The following ZNF473 variants were observed in gnomAD, a reference collection of about 807,000 sequenced individuals.
ZNF473 encodes zinc finger protein 100 homolog.
A neutral mutation model predicts 11.1 loss-of-function variants in ZNF473; 4 were observed. The observed-to-expected ratio is 0.36, with a 90% CI of 0.18 to 0.82. ZNF473 has a LOEUF of 0.82. Ranked by LOEUF, ZNF473 falls within the 40% of genes least tolerant of loss-of-function variation. The pLI is 0.49. For synonymous variants in ZNF473, 404 were observed against 390.4 expected (o/e 1.03, Z -0.41); for missense variants, 854 against 1,084.0 (o/e 0.79, Z 2.98).
chr19:50,032,978 C>G (rs1600752202), intron 2 of ZNF473, among the ~76,000 whole-genome samples: 1 of 152,246 alleles, frequency 6.6e-6, no homozygotes, highest in East Asian at 1.9e-4. Flanking sequence ...TAGGACCCAC[C>G]CTGATGACCT....
chr19:50,043,448 A>AAATAT (rs1259545565), intron 4 of ZNF473: 2 of 107,916 alleles, frequency 1.9e-5, no homozygotes, highest in African/African-American at 3.9e-5. Flanking sequence ...AAAAAAAAAA[A>AAATAT]ATATATATAT....
chr19:50,040,356 A>C (rs1031898479), intron 3 of ZNF473, among the ~76,000 whole-genome samples: 1 of 152,232 alleles, frequency 6.6e-6, no homozygotes, highest in African/African-American at 2.4e-5. Context: ...ACTCAGTGCC[A>C]GGGTTTTTAC....
At chr19:50,041,585 T>C in intron 3 of ZNF473, 145 bp from the exon 4 acceptor site, 1 of 568,626 alleles carries the variant, frequency 1.8e-6, no homozygotes, top group South Asian at 2.6e-5. Flanking sequence ...ATCCCCAGAG[T>C]CGCCCAGTGC....
intron 1 of ZNF473, among the ~76,000 whole-genome samples, chr19:50,028,263 A>C (rs1291606011): frequency 2.0e-5 from 3 of 149,106 alleles, no homozygotes; most frequent in Non-Finnish European, 3.0e-5. Flanking sequence ...GCGCCACTGC[A>C]CTCCAGCCTG....
intron 2 of ZNF473, among the ~76,000 whole-genome samples, chr19:50,032,706 TC>T (rs1245806675): frequency 2.0e-5 from 3 of 151,786 alleles, no homozygotes; most frequent in Admixed American, 2.0e-4. Flanking sequence ...ATTGGTGGTC[TC>T]CCAGTCTTGG....
chr19:50,047,080 C>A lies in ZNF473; in HGVS notation c.*21C>A. On this transcript the variant is annotated 3_prime_UTR_variant, in exon 5 of 5. Coordinates refer to ENST00000270617, the MANE Select transcript of ZNF473 (RefSeq NM_015428.4). ...TGTAGCCATTGGGTGGCAGCAGAGTCCCAGAATATGAGACCGTTACTCGGA... is the reference window on the plus strand; with the variant it reads ...TGTAGCCATTGGGTGGCAGCAGAGTACCAGAATATGAGACCGTTACTCGGA... 1.3e-6 allele frequency: 2 copies of A among 1,580,902 alleles called. No homozygotes were observed. Among genetic ancestry groups the A allele is most frequent in the South Asian group, 1.1e-5 (1 of 89,872 alleles).
intron 4 of ZNF473, chr19:50,043,485 G>T (rs960862564): frequency 6.9e-6 from 1 of 145,726 alleles, no homozygotes; most frequent in Non-Finnish European, 1.5e-5. Flanking sequence ...AGTCAGAGGG[G>T]TTCAAATCCT....
In ZNF473 at chr19:50,047,186, A is replaced by G. The variant is rs1350099712; in HGVS notation, c.*127A>G. 1 of 826,774 alleles carries G rather than the reference A, an allele frequency of 1.2e-6. No homozygotes were observed. The highest frequency in any genetic ancestry group is 2.9e-5 in the Admixed American group (1 of 34,336). The allele number at this position is 826,774 out of a possible 1,614,324, so 51.2% of individuals were successfully genotyped here. On this transcript the variant is annotated 3_prime_UTR_variant, in exon 5 of 5. Coordinates refer to ENST00000270617, the MANE Select transcript of ZNF473 (RefSeq NM_015428.4). ...AAGATTGATTAGAAAGTTTGTGCGC[A>G]TGTTTTTCATTATAACAATGAAAAC...
In ZNF473 at chr19:50,039,295, T is replaced by C; in HGVS notation, c.136+8T>C. On this transcript the variant is annotated splice_region_variant and intron_variant, in intron 3 of 4. Transcript: ENST00000270617. This position sits in a 1 kb window ranked among gnomAD's most constrained non-coding sequence, Gnocchi z 4.8. Reference sequence around the variant, plus strand: ...AGGACCTCTTCCTGCTGGGTGAGTGTTGCCTGTCCCCAGGGGCCTACTCAC... The same window carrying C: ...AGGACCTCTTCCTGCTGGGTGAGTGCTGCCTGTCCCCAGGGGCCTACTCAC... The C allele has an allele frequency of 5.6e-6, 9 of 1,613,792 alleles. No individual in the cohort carries two copies. The highest frequency in any genetic ancestry group is 6.8e-6 in the Non-Finnish European group (8 of 1,179,780).
At chr19:50,034,536 G>A (rs1046305604) in intron 2 of ZNF473, among the ~76,000 whole-genome samples, 2 of 151,136 alleles carry the variant, frequency 1.3e-5, no homozygotes, top group Non-Finnish European at 2.9e-5. Context: ...GTCCTTCGTG[G>A]GCTCTGTCAT....
chr19:50,026,550 TAAAAAA>T (rs71180669), intron 1 of ZNF473, among the ~76,000 whole-genome samples: 3 of 119,336 alleles, frequency 2.5e-5, no homozygotes, highest in Admixed American at 8.9e-5. Flanking sequence ...GACTACATCT[TAAAAAA>T]AAAAAAAAAA....
chr19:50,033,673 G>A (rs528860146), intron 2 of ZNF473, among the ~76,000 whole-genome samples: 2 of 152,068 alleles, frequency 1.3e-5, no homozygotes, highest in African/African-American at 4.8e-5. Flanking sequence ...ATGATCTCAC[G>A]GGGCTCAAAC....
Position 50,026,902 on chromosome 19 carries a change from T to A in ZNF473, c.-192+780T>A, listed in dbSNP as rs551242144. On this transcript the variant is annotated intron_variant, in intron 1 of 4. Transcript: ENST00000270617. ...GGTTTTGGTTGGGGAAGGAGGGGAA[T>A]GAGTTACCTGAAGTTGGCAAATTTA... 2.0e-5 allele frequency among the ~76,000 whole-genome samples: 3 copies of A among 152,244 alleles called. No homozygotes were observed. In the South Asian group the frequency reaches 6.2e-4, roughly 32 times the overall value.
Position 50,046,390 on chromosome 19 carries a change from C to T in ZNF473, c.1947C>T (p.Asn649=), listed in dbSNP as rs766663104. ...FHTKEHPFKC[N]ECGKTFSHSA... Reference sequence around the variant, plus strand: ...CAAAGGAGCACCCTTTTAAATGTAACGAATGCGGAAAGACCTTCAGCCACA... The same window carrying T: ...CAAAGGAGCACCCTTTTAAATGTAATGAATGCGGAAAGACCTTCAGCCACA... Residue 649 remains asparagine (N), a synonymous_variant, in exon 5 of 5, where the codon AAC becomes AAT. Transcript: ENST00000270617. The surrounding 1 kb of genome is among the most constrained non-coding windows in gnomAD (Gnocchi z 5.9). The T allele has an allele frequency of 5.3e-5, 85 of 1,614,078 alleles. No homozygotes were observed. Among genetic ancestry groups the T allele is most frequent in the East Asian group, 6.7e-5 (3 of 44,902 alleles).
chr19:50,029,426 A>G (rs146171887), intron 1 of ZNF473, among the ~76,000 whole-genome samples: 8,010 of 152,330 alleles, frequency 0.053, 696 homozygotes, highest in African/African-American at 0.18. Flanking sequence ...GATTACAGGC[A>G]TGAGCCACTG....
rs1160404382 is a variant in ZNF473 at position 50,048,025 on chromosome 19, A to G, written c.*966A>G. 6.6e-6 allele frequency: 1 copy of G among 152,200 alleles called. No individual in the cohort carries two copies. Among genetic ancestry groups the G allele is most frequent in the Non-Finnish European group, 1.5e-5 (1 of 68,038 alleles). 9.4% of individuals were successfully genotyped at this position (152,200 alleles called of 1,614,324 possible). A position where few individuals can be genotyped will look rare whatever the true frequency, so the allele number is the denominator to read the frequency against. On this transcript the variant is annotated 3_prime_UTR_variant, in exon 5 of 5. Transcript: ENST00000270617. Reference sequence around the variant, plus strand: ...CATTTATCCAGGATGGCCGCTCACCAGGCAATTTGCTAGGCTCGGGGGCGG... The same window carrying G: ...CATTTATCCAGGATGGCCGCTCACCGGGCAATTTGCTAGGCTCGGGGGCGG...
intron 1 of ZNF473, among the ~76,000 whole-genome samples, chr19:50,029,894 C>T (rs765182018): frequency 8.6e-5 from 13 of 151,864 alleles, no homozygotes; most frequent in Non-Finnish European, 1.9e-4. Context: ...CTGTGTTGCC[C>T]AGGCTGGAGT....
intron 2 of ZNF473, among the ~76,000 whole-genome samples, chr19:50,033,512 C>T (rs765892333): frequency 1.7e-4 from 26 of 152,112 alleles, no homozygotes; most frequent in Non-Finnish European, 3.7e-4. Context: ...AAACAGGATC[C>T]CCCTTGCTCG....
At chr19:50,034,653 G>A (rs991998333) in intron 2 of ZNF473, among the ~76,000 whole-genome samples, 2 of 152,098 alleles carry the variant, frequency 1.3e-5, no homozygotes, top group East Asian at 1.9e-4. Context: ...TGTCTTCTGT[G>A]TCTCTTAATC....
Sources: allele counts gnomAD v4.1 joint callset (sites outside exome capture counted in the v4.1 genomes callset), GRCh38; gene constraint gnomAD v4.1.1; non-coding constraint Gnocchi (gnomAD v3.1); transcripts MANE v1.5; gene names NCBI Gene and HGNC (gene_info 2026-07-23, HGNC 2026-07-21).